Variants in SOX5 observed in about 807,000 individuals in gnomAD.
SOX5 encodes the protein transcription factor SOX-5.
In SOX5, 9 loss-of-function variants were observed where a neutral mutation model predicts 92.0. The observed-to-expected ratio is 0.10, with a 90% CI of 0.06 to 0.17. The LOEUF (loss-of-function observed/expected upper bound fraction) is 0.17. SOX5 is among the 10% of genes least tolerant of loss of function. The pLI is 1.00. For synonymous variants in SOX5, 344 were observed against 336.3 expected (o/e 1.02, Z -0.25); for missense variants, 642 against 944.5 (o/e 0.68, Z 4.20).
chr12:23,688,301 C>T (rs1242282430), intron 6 of SOX5, among the ~76,000 whole-genome samples: 1 of 151,982 alleles, frequency 6.6e-6, no homozygotes. Context: ...GACAAGTTTC[C>T]AACTACACTG....
intron 4 of SOX5, among the ~76,000 whole-genome samples, chr12:23,753,116 C>T (rs147893840): frequency 6.6e-6 from 1 of 151,814 alleles, no homozygotes; most frequent in East Asian, 1.9e-4. Flanking sequence ...TAGCTAAACT[C>T]TCCAAATCAA....
At chr12:23,584,500 G>T in intron 9 of SOX5, 1 of 1,287,620 alleles carries the variant, frequency 7.8e-7, no homozygotes, top group South Asian at 1.2e-5. Flanking sequence ...CATTTATTAC[G>T]AGCTCCAATT....
chr12:24,316,373 A>C (rs1045828577), intron 2 of SOX5, among the ~76,000 whole-genome samples: 1 of 152,138 alleles, frequency 6.6e-6, no homozygotes, highest in Non-Finnish European at 1.5e-5. Context: ...GCATACCATC[A>C]TTTGCCTCTT....
At chr12:24,179,739 T>TTATCAGCA (rs1955256610) in intron 4 of SOX5, among the ~76,000 whole-genome samples, 1 of 152,168 alleles carries the variant, frequency 6.6e-6, no homozygotes, top group Admixed American at 6.5e-5. Context: ...TAGGTGCGGC[T>TTATCAGCA]AAGCTATGGT....
intron 4 of SOX5, among the ~76,000 whole-genome samples, chr12:24,000,266 T>G (rs1410016800): frequency 6.6e-6 from 1 of 151,656 alleles, no homozygotes; most frequent in Non-Finnish European, 1.5e-5. Context: ...AAAAGGTAAA[T>G]ATGTGGGTTA....
upstream of SOX5, among the ~76,000 whole-genome samples, chr12:23,955,360 G>A (rs1029135455): frequency 2.0e-5 from 3 of 152,066 alleles, no homozygotes; most frequent in Non-Finnish European, 4.4e-5. Flanking sequence ...CATTTGTAGT[G>A]ATAACAATCA....
intron 2 of SOX5, among the ~76,000 whole-genome samples, chr12:24,320,018 C>T (rs1360941921): frequency 6.6e-6 from 1 of 152,170 alleles, no homozygotes; most frequent in Non-Finnish European, 1.5e-5. Context: ...GTTTATATTT[C>T]TACTAGACTG....
rs527312793 is a variant in SOX5 at position 24,326,454 on chromosome 12, T to TTG, written c.-174+42107_-174+42108dup. Among the ~76,000 whole-genome samples, 41 of 34,176 alleles carry TTG rather than the reference T, an allele frequency of 1.2e-3. No homozygotes were observed. The East Asian group carries it at 0.14, about 120-fold the overall frequency. The allele number at this position is 34,176 out of a possible 152,430, so 22.4% of individuals were successfully genotyped here. A position where few individuals can be genotyped will look rare whatever the true frequency, so the allele number is the denominator to read the frequency against. ...CTTACATACCTTCATTTGATCGCAC[T>TTG]TGTGTATGTTTATCTATCCCTACTA... On this transcript the variant is annotated intron_variant, in intron 2 of 4. Transcript: ENST00000446891.
intron 1 of SOX5, among the ~76,000 whole-genome samples, chr12:24,560,625 G>C (rs535216488): frequency 6.6e-6 from 1 of 152,262 alleles, no homozygotes; most frequent in Non-Finnish European, 1.5e-5. Context: ...TGAGCTAACA[G>C]CAATTCTCAT....
intron 4 of SOX5, among the ~76,000 whole-genome samples, chr12:23,974,973 A>G (rs553599720): frequency 3.9e-5 from 6 of 152,276 alleles, no homozygotes; most frequent in African/African-American, 1.4e-4. Flanking sequence ...CTAAAATATC[A>G]ATCTGAAAGT....
intron 4 of SOX5, among the ~76,000 whole-genome samples, chr12:23,967,240 C>G (rs1291501191): frequency 6.6e-6 from 1 of 151,988 alleles, no homozygotes; most frequent in Non-Finnish European, 1.5e-5. Flanking sequence ...ATGAACTGAA[C>G]ATTTTAAATT....
At chr12:24,169,662 G>T (rs978023648) in intron 4 of SOX5, among the ~76,000 whole-genome samples, 4 of 152,192 alleles carry the variant, frequency 2.6e-5, no homozygotes, top group African/African-American at 9.7e-5. Flanking sequence ...GACAAGAAAT[G>T]AGAAGTATTA....
chr12:24,560,183 GA>G (rs1954195085), intron 1 of SOX5, among the ~76,000 whole-genome samples: 1 of 151,962 alleles, frequency 6.6e-6, no homozygotes, highest in Admixed American at 6.5e-5. Flanking sequence ...AGAAAAGGGG[GA>G]AAAAAGAAAG....
upstream of SOX5, among the ~76,000 whole-genome samples, chr12:23,954,396 T>C (rs77480549): frequency 0.037 from 5,553 of 151,822 alleles, 474 homozygotes; most frequent in East Asian, 0.27. Context: ...CTTTTGCCTG[T>C]GCTGTTATTT....
At chr12:24,523,337 G>A (rs1950418165) in intron 1 of SOX5, among the ~76,000 whole-genome samples, 1 of 152,110 alleles carries the variant, frequency 6.6e-6, no homozygotes, top group South Asian at 2.1e-4. Context: ...CAAATTAGAT[G>A]CAATCCCTAT....
chr12:23,984,799 C>G (rs1296748932), intron 4 of SOX5, among the ~76,000 whole-genome samples: 1 of 152,048 alleles, frequency 6.6e-6, no homozygotes, highest in Non-Finnish European at 1.5e-5. Context: ...TGTAGCAAAC[C>G]AAAGTTTTAA....
At chr12:24,126,690 C>A (rs1333549659) in intron 4 of SOX5, among the ~76,000 whole-genome samples, 2 of 152,160 alleles carry the variant, frequency 1.3e-5, no homozygotes, top group East Asian at 1.9e-4. Context: ...ACTTTGGGTT[C>A]TTTCTGCCCA....
At chr12:23,722,745 C>G (rs1186398736) in intron 6 of SOX5, among the ~76,000 whole-genome samples, 1 of 152,152 alleles carries the variant, frequency 6.6e-6, no homozygotes, top group African/African-American at 2.4e-5. Flanking sequence ...TTATTTTGAA[C>G]ATGCCAAAGC....
At chr12:23,545,189 A>G (rs1370611581) in intron 12 of SOX5, among the ~76,000 whole-genome samples, 1 of 152,162 alleles carries the variant, frequency 6.6e-6, no homozygotes, top group Admixed American at 6.5e-5. Context: ...ACAGTTGTGT[A>G]TATTGGAGGA....
Sources: gnomAD v4.1 joint callset for allele counts (sites outside exome capture counted in the v4.1 genomes callset) on GRCh38, gnomAD v4.1.1 for gene constraint, MANE v1.5 for transcripts, NCBI Gene and HGNC (gene_info 2026-07-23, HGNC 2026-07-21) for gene names.